FARP1: variants seen among roughly 807,000 people sequenced by gnomAD.
FARP1 encodes FERM, ARH/RhoGEF and pleckstrin domain protein 1.
A neutral mutation model predicts 128.8 loss-of-function variants in FARP1; 52 were observed. The ratio of observed to expected loss-of-function variants is 0.40; its 90% CI spans 0.32 to 0.51. The LOEUF (loss-of-function observed/expected upper bound fraction) is 0.51, where lower values mean the gene tolerates loss of function less well. Among genes scored for constraint, FARP1 ranks in the 20% least tolerant of loss-of-function variants. FARP1 has a pLI of 0.45. For synonymous variants in FARP1, 580 were observed against 551.8 expected, an observed-to-expected ratio of 1.05 and a Z score of -0.72; for missense variants, 1,333 against 1,367.9, an observed-to-expected ratio of 0.97 and a Z score of 0.40.
At chr13:98,163,326 G>C (rs528700041) in intron 1 of FARP1, among the ~76,000 whole-genome samples, 1 of 152,272 alleles carries the variant, frequency 6.6e-6, no homozygotes, top group South Asian at 2.1e-4. Flanking sequence ...TTGGAGAAGG[G>C]TGGCAGGAGG....
intron 3 of FARP1, among the ~76,000 whole-genome samples, chr13:98,351,910 C>G (rs1888450024): frequency 6.6e-6 from 1 of 152,078 alleles, no homozygotes; most frequent in Non-Finnish European, 1.5e-5. Flanking sequence ...GGACCCACCC[C>G]CAACACTGGG....
At chr13:98,286,861 A>G (rs753482894) in intron 2 of FARP1, among the ~76,000 whole-genome samples, 1 of 152,192 alleles carries the variant, frequency 6.6e-6, no homozygotes. Flanking sequence ...AGAATTTTGG[A>G]TTGATGGGCT....
intron 2 of FARP1, among the ~76,000 whole-genome samples, chr13:98,278,168 A>AGTGT (rs1291047216): frequency 2.3e-5 from 3 of 131,658 alleles, no homozygotes; most frequent in African/African-American, 8.8e-5. Flanking sequence ...TGTATGAGTG[A>AGTGT]GTGAGTGTGT....
At chr13:98,312,831 C>G (rs909308311) in intron 2 of FARP1, among the ~76,000 whole-genome samples, 1 of 152,174 alleles carries the variant, frequency 6.6e-6, no homozygotes, top group Non-Finnish European at 1.5e-5. Flanking sequence ...CCTTCTCCCT[C>G]AGCTGGGCTC....
chr13:98,219,955 T>C (rs2139356123), intron 2 of FARP1, among the ~76,000 whole-genome samples: 1 of 152,290 alleles, frequency 6.6e-6, no homozygotes, highest in South Asian at 2.1e-4. Context: ...AGGCATGAGC[T>C]ACTGTGCCCA....
chr13:98,449,713 G>C lies in FARP1; in HGVS notation c.*1396G>C, dbSNP rs1594558258. ...CCAGACGGTTTCCAGTACTAACAAA[G>C]GGAATAAAAATACCTCACGCCACAA... On this transcript the variant is annotated 3_prime_UTR_variant, in exon 27 of 27. Coordinates refer to ENST00000319562, the MANE Select transcript of FARP1 (RefSeq NM_005766.4). The C allele has an allele frequency of 6.6e-6, 1 of 152,370 alleles. No homozygotes were observed. The highest frequency in any genetic ancestry group is 2.4e-5 in the African/African-American group (1 of 41,342). The allele number at this position is 152,370 out of a possible 1,614,324, so 9.4% of individuals were successfully genotyped here.
rs184390480 is a variant in FARP1 at position 98,174,367 on chromosome 13, A to G, written c.-24+30875A>G. On this transcript the variant is annotated intron_variant, in intron 1 of 26. Coordinates refer to ENST00000319562, the MANE Select transcript of FARP1 (RefSeq NM_005766.4). The stretch of plus-strand genomic sequence containing the variant: ...GTCCAGTGTCTAGGAAGGGACATAC[A>G]TGAAGCATTGTAAAGAAACTCGAGT... 2.2e-3 allele frequency among the ~76,000 whole-genome samples: 334 copies of G among 152,336 alleles called. 1 individual carries two copies. Among genetic ancestry groups the G allele is most frequent in the African/African-American group, 7.6e-3 (318 of 41,586 alleles).
At chr13:98,166,011 C>T (rs747260164) in intron 1 of FARP1, among the ~76,000 whole-genome samples, 2 of 152,060 alleles carry the variant, frequency 1.3e-5, no homozygotes, top group African/African-American at 2.4e-5. Context: ...TGAGCCACTG[C>T]GCCCAGCCCA....
intron 2 of FARP1, among the ~76,000 whole-genome samples, chr13:98,281,747 T>A (rs935304080): frequency 6.6e-6 from 1 of 152,228 alleles, no homozygotes; most frequent in Non-Finnish European, 1.5e-5. Context: ...TCAGCTGTTA[T>A]GAACTGCGAG....
intron 2 of FARP1, chr13:98,331,687 C>T (rs1887515200): frequency 6.6e-6 from 1 of 152,184 alleles, no homozygotes; most frequent in Non-Finnish European, 1.5e-5. Context: ...TCATTTAACT[C>T]TCACAACCAC....
At chr13:98,253,131 A>G (rs1455171940) in intron 2 of FARP1, among the ~76,000 whole-genome samples, 2 of 152,232 alleles carry the variant, frequency 1.3e-5, no homozygotes, top group Non-Finnish European at 2.9e-5. Context: ...GTTCAAGCCA[A>G]GTTTGTCCAG....
chr13:98,212,534 G>A (rs1173767569), intron 1 of FARP1, among the ~76,000 whole-genome samples: 1 of 148,440 alleles, frequency 6.7e-6, no homozygotes, highest in Non-Finnish European at 1.5e-5. Flanking sequence ...ATCTGGGGAG[G>A]AAAGATGATT....
intron 6 of FARP1, among the ~76,000 whole-genome samples, chr13:98,382,733 G>GA (rs1889932046): frequency 6.7e-6 from 1 of 149,452 alleles, no homozygotes; most frequent in Non-Finnish European, 1.5e-5. Flanking sequence ...TCTGCCTTCT[G>GA]TTTTTTTTTT....
rs781506208 is a variant in FARP1 at position 98,411,907 on chromosome 13, C to T, written c.1699C>T (p.Gln567Ter). ...KDLEVITSWF[Q>*]STVSKEDAMP... ...ATCGTCTTCTTCTTTCCAGTGGTTT[C>T]AGAGCACAGTGAGCAAAGAGGACGC... Residue 567 changes from glutamine (Q) to a stop codon, truncating the protein, a stop_gained, in exon 16 of 27, where the codon CAG becomes TAG. Transcript: ENST00000319562. LOFTEE classifies it high-confidence loss of function. 6.2e-7 allele frequency: 1 copy of T among 1,614,028 alleles called. No homozygotes were observed. The highest frequency in any genetic ancestry group is 8.5e-7 in the Non-Finnish European group (1 of 1,179,958).
intron 7 of FARP1, among the ~76,000 whole-genome samples, 179 bp from the exon 8 acceptor site, chr13:98,385,488 T>G (rs1006841528): frequency 2.0e-5 from 3 of 152,206 alleles, no homozygotes; most frequent in African/African-American, 7.2e-5. Context: ...GGAGGTTTTG[T>G]CCTAGCTGCT....
intron 9 of FARP1, 24 bp from the exon 10 acceptor site, chr13:98,389,933 C>T: frequency 6.2e-7 from 1 of 1,610,852 alleles, no homozygotes; most frequent in Non-Finnish European, 8.5e-7. Context: ...TGGAAAAAAC[C>T]ACCGTTGTAT....
intron 5 of FARP1, among the ~76,000 whole-genome samples, chr13:98,374,444 CAATT>C (rs1175429276): frequency 6.6e-6 from 1 of 151,980 alleles, no homozygotes; most frequent in Non-Finnish European, 1.5e-5. Flanking sequence ...ATTAATCAAT[CAATT>C]AAAAAAAACA....
At chr13:98,192,465 C>T (rs13329015) in intron 1 of FARP1, among the ~76,000 whole-genome samples, 5,326 of 152,216 alleles carry the variant, frequency 0.035, 302 homozygotes, top group African/African-American at 0.12. Flanking sequence ...TTTCAGCTCA[C>T]TGCAACCTCT....
chr13:98,359,360 A>T (rs145700856), intron 3 of FARP1, among the ~76,000 whole-genome samples: 1 of 152,310 alleles, frequency 6.6e-6, no homozygotes, highest in African/African-American at 2.4e-5. Flanking sequence ...CAAATAACTG[A>T]TTATCTTTTA....
Sources: gnomAD v4.1 joint callset for allele counts (sites outside exome capture counted in the v4.1 genomes callset) on GRCh38, gnomAD v4.1.1 for gene constraint, MANE v1.5 for transcripts, NCBI Gene and HGNC (gene_info 2026-07-23, HGNC 2026-07-21) for gene names.